MET: variants seen among roughly 807,000 people sequenced by gnomAD.
MET encodes hepatocyte growth factor receptor.
In MET, 48 loss-of-function variants were observed where a neutral mutation model predicts 133.1. The ratio of observed to expected loss-of-function variants is 0.36; its 90% CI spans 0.29 to 0.46. The LOEUF is 0.46. Ranked by LOEUF, MET falls within the 20% of genes least tolerant of loss-of-function variation. The pLI is 1.00. For missense variants in MET, 1,442 were observed against 1,695.9 expected (o/e 0.85, Z 2.63); for synonymous variants, 628 against 616.5 (o/e 1.02, Z -0.28).
chr7:116,738,288 C>T (rs1179696513), intron 3 of MET, among the ~76,000 whole-genome samples: 1 of 151,848 alleles, frequency 6.6e-6, no homozygotes, highest in African/African-American at 2.4e-5. Flanking sequence ...TGTGATGAGC[C>T]CAGAAGGGAG....
At chr7:116,731,899 G>T in intron 3 of MET, 40 bp downstream of exon 3, 2 of 1,596,564 alleles carry the variant, frequency 1.3e-6, no homozygotes, top group Non-Finnish European at 1.7e-6. Context: ...GTTCTATCTG[G>T]TATTGTGCAA....
At chr7:116,675,017 A>G (rs755576622) in intron 1 of MET, among the ~76,000 whole-genome samples, 3 of 152,252 alleles carry the variant, frequency 2.0e-5, no homozygotes, top group Admixed American at 6.5e-5. Context: ...TGGCTGGTGT[A>G]TGCTGAAACT....
intron 6 of MET, among the ~76,000 whole-genome samples, chr7:116,757,042 A>C (rs1317304202): frequency 6.6e-6 from 1 of 152,054 alleles, no homozygotes; most frequent in Non-Finnish European, 1.5e-5. Flanking sequence ...CAGCCTGGGC[A>C]ACGTAGTGAG....
intron 5 of MET, among the ~76,000 whole-genome samples, chr7:116,754,249 C>A (rs985739376): frequency 2.0e-5 from 3 of 152,130 alleles, no homozygotes; most frequent in African/African-American, 4.8e-5. Context: ...TGCAACTGGG[C>A]AAACACTGGA....
At chr7:116,732,369 TA>T (rs1793046379) in intron 3 of MET, among the ~76,000 whole-genome samples, 1 of 152,122 alleles carries the variant, frequency 6.6e-6, no homozygotes, top group South Asian at 2.1e-4. Flanking sequence ...TGGATGCAAA[TA>T]AGTTCAGATA....
rs2117031096 is a variant in MET, at chr7:116,775,011, T to A, written c.3159T>A (p.Ile1053=). ...SSPLLQNTVH[I]DLSALNPELV... Reference sequence around the variant, plus strand: ...CATTACTGCAAAATACTGTCCACATTGACCTCAGTGCTCTAAATCCAGAGC... The same window carrying A: ...CATTACTGCAAAATACTGTCCACATAGACCTCAGTGCTCTAAATCCAGAGC... Residue 1053 remains isoleucine (I), a synonymous_variant, in exon 15 of 21, where the codon ATT becomes ATA. Coordinates refer to ENST00000397752, the MANE Select transcript of MET (RefSeq NM_000245.4). 1 of 1,614,238 alleles carries A rather than the reference T, an allele frequency of 6.2e-7. No homozygotes were observed. Among genetic ancestry groups the A allele is most frequent in the Non-Finnish European group, 8.5e-7 (1 of 1,180,030 alleles).
intron 14 of MET, 37 bp from the exon 15 acceptor site, chr7:116,774,844 T>G: frequency 6.6e-7 from 1 of 1,520,862 alleles, no homozygotes; most frequent in Non-Finnish European, 9.1e-7. Flanking sequence ...AATGAGGTTT[T>G]ACTGTTGTTC....
At chr7:116,727,729 C>G (rs745731122) in intron 2 of MET, among the ~76,000 whole-genome samples, 15 of 152,194 alleles carry the variant, frequency 9.9e-5, no homozygotes, top group Non-Finnish European at 1.5e-4. Flanking sequence ...GTTCTTCCAG[C>G]TAGGCCCCAG....
At position 116,777,289 on chromosome 7, in the gene MET, A is replaced by C. The variant is rs1402255562; in HGVS notation, c.3260-100A>C. On this transcript the variant is annotated intron_variant, in intron 15 of 20. Coordinates refer to ENST00000397752, the MANE Select transcript of MET (RefSeq NM_000245.4). ...TTAAATGTACTCTTTTGCTGTATAG[A>C]AAGAAGAAAGAATAAAATGAAGCTC... 9 of 1,022,188 alleles carry C rather than the reference A, an allele frequency of 8.8e-6. No homozygotes were observed. In the African/African-American group the frequency reaches 1.3e-4, roughly 15 times the overall value. 63.3% of individuals were successfully genotyped at this position (1,022,188 alleles called of 1,614,324 possible).
Position 116,757,522 on chromosome 7 carries a change from A to G in MET, c.1948A>G (p.Ser650Gly), listed in dbSNP as rs1294429779. 6.2e-7 allele frequency: 1 copy of G among 1,613,662 alleles called. No individual in the cohort carries two copies. Among genetic ancestry groups the G allele is most frequent in the African/African-American group, 1.3e-5 (1 of 74,940 alleles). ...AAATGGCCACGGGACAACACAATAC[A>G]GTACATTCTCCTATGTGGTAAGGAA... ...ISNGHGTTQYSTFSYVDPVIT... is the reference protein window; with the variant it reads ...ISNGHGTTQYGTFSYVDPVIT... Residue 650 changes from serine (S) to glycine (G), a missense_variant, in exon 7 of 21, where the codon AGT becomes GGT. By Grantham distance (56) the Ser-to-Gly change is moderately conservative. Transcript: ENST00000397752.
chr7:116,741,322 T>C, intron 5 of MET, among the ~76,000 whole-genome samples: 1 of 152,124 alleles, frequency 6.6e-6, no homozygotes, highest in East Asian at 1.9e-4. Flanking sequence ...TTTAGTGCCG[T>C]GTGAATAAAA....
chr7:116,745,443 T>C (rs1384329313), intron 5 of MET, among the ~76,000 whole-genome samples: 2 of 152,170 alleles, frequency 1.3e-5, no homozygotes, highest in Admixed American at 1.3e-4. Context: ...AACGTTCATA[T>C]GGACCCAAAA....
At chr7:116,795,266 T>C (rs1795631707) in intron 19 of MET, among the ~76,000 whole-genome samples, 1 of 152,202 alleles carries the variant, frequency 6.6e-6, no homozygotes, top group Non-Finnish European at 1.5e-5. Flanking sequence ...AATTTAAATT[T>C]TGGGAGGCTT....
intron 16 of MET, 24 bp downstream of exon 16, chr7:116,777,493 T>C (rs987977911): frequency 1.6e-5 from 25 of 1,605,664 alleles, no homozygotes; most frequent in East Asian, 2.2e-5. Flanking sequence ...TATTTAACCA[T>C]GGAGTATACT....
intron 2 of MET, among the ~76,000 whole-genome samples, chr7:116,706,750 G>A (rs760253336): frequency 2.6e-4 from 40 of 152,036 alleles, no homozygotes; most frequent in Non-Finnish European, 5.1e-4. Context: ...GGCACACAGA[G>A]TTCAGAATGA....
chr7:116,699,944 G>T lies in MET; in HGVS notation c.860G>T (p.Gly287Val), dbSNP rs2116599722. 1 of 1,613,992 alleles carries T rather than the reference G, an allele frequency of 6.2e-7. No homozygotes were observed. Among genetic ancestry groups the T allele is most frequent in the Non-Finnish European group, 8.5e-7 (1 of 1,179,960 alleles). ...RIIRFCSINS[G>V]LHSYMEMPLE... ...ATCAGGTTCTGTTCCATAAACTCTG[G>T]ATTGCATTCCTACATGGAAATGCCT... The change falls in exon 2 of 21, where the codon GGA becomes GTA. Residue 287 changes from glycine (G) to valine (V), a missense_variant. By Grantham distance (109) the Gly-to-Val change is moderately radical. Transcript: ENST00000397752.
intron 14 of MET, among the ~76,000 whole-genome samples, chr7:116,774,158 A>C (rs776564008): frequency 6.6e-6 from 1 of 152,208 alleles, no homozygotes; most frequent in Non-Finnish European, 1.5e-5. Flanking sequence ...ATAAAAAAAA[A>C]AATTCTCCTT....
intron 1 of MET, among the ~76,000 whole-genome samples, chr7:116,694,078 A>G (rs547008064): frequency 2.4e-4 from 37 of 152,314 alleles, no homozygotes; most frequent in African/African-American, 8.4e-4. Flanking sequence ...CACTCATTTA[A>G]CTAGCAGTTA....
At chr7:116,772,365 G>A (rs1794863285) in intron 14 of MET, among the ~76,000 whole-genome samples, 1 of 152,152 alleles carries the variant, frequency 6.6e-6, no homozygotes, top group African/African-American at 2.4e-5. Context: ...TTTACCTGTT[G>A]AAGCCCAAAC....
Sources: allele counts gnomAD v4.1 joint callset (sites outside exome capture counted in the v4.1 genomes callset), GRCh38; gene constraint gnomAD v4.1.1; transcripts MANE v1.5; gene names NCBI Gene and HGNC (gene_info 2026-07-23, HGNC 2026-07-21).